The following CGNL1 variants were observed in gnomAD, a reference collection of about 807,000 sequenced individuals.
CGNL1 encodes cingulin-like protein 1.
Under a neutral mutation model 141.2 loss-of-function variants are expected in CGNL1, and 132 were observed. That is an observed-to-expected ratio of 0.93 (90% confidence interval 0.81 to 1.08). The LOEUF (loss-of-function observed/expected upper bound fraction) is 1.08, where lower values mean the gene tolerates loss of function less well. Among genes scored for constraint, CGNL1 ranks in the 50% least tolerant of loss-of-function variants. The pLI, the probability that CGNL1 is intolerant of heterozygous loss-of-function variation, is 0.00. For missense variants in CGNL1, 1,870 were observed against 1,588.6 expected (o/e 1.18, Z -3.01); for synonymous variants, 690 against 622.1 (o/e 1.11, Z -1.63).
intron 4 of CGNL1, among the ~76,000 whole-genome samples, chr15:57,448,523 C>T (rs574939725): frequency 6.6e-6 from 1 of 152,046 alleles, no homozygotes; most frequent in East Asian, 1.9e-4. Context: ...TGGTGCGCAC[C>T]TGTAACCCCA....
rs151302937 is a variant in CGNL1, at chr15:57,543,401, G to A, written c.3292-295G>A. On this transcript the variant is annotated intron_variant, in intron 14 of 18. Coordinates refer to ENST00000281282, the MANE Select transcript of CGNL1 (RefSeq NM_032866.5). ...CATCTCCAAATAAGGTCACGGCAGA[G>A]GTACTGGGGATTAGGGCGTCAACAT... is the stretch of plus-strand genomic sequence containing the variant. 3.1e-3 allele frequency among the ~76,000 whole-genome samples: 470 copies of A among 152,268 alleles called. 2 individuals are homozygous for A. The highest frequency in any genetic ancestry group is 0.011 in the African/African-American group (445 of 41,544).
In CGNL1 at chr15:57,547,472, C is replaced by A. The variant is rs768320922; in HGVS notation, c.3891C>A (p.Thr1297=). The change falls in exon 19 of 19, where the codon ACC becomes ACA. Residue 1297 remains threonine (T), a synonymous_variant. Transcript: ENST00000281282. ...GCTACACATTCTCCAAGGACAGCACCGTCGCCAGCCAGATCTGAGTGCTCT... is the reference window on the plus strand; with the variant it reads ...GCTACACATTCTCCAAGGACAGCACAGTCGCCAGCCAGATCTGAGTGCTCT... ...PVSYTFSKDS[T]VASQI 1 of 1,613,998 alleles carries A rather than the reference C, an allele frequency of 6.2e-7. No individual in the cohort carries two copies. The highest frequency in any genetic ancestry group is 1.1e-5 in the South Asian group (1 of 91,034).
chr15:57,543,610 G>T, intron 14 of CGNL1, 86 bp from the exon 15 acceptor site: 2 of 1,197,106 alleles, frequency 1.7e-6, no homozygotes. Flanking sequence ...AGTGGAGGTT[G>T]ACATTCAGTT....
At chr15:57,415,602 T>G (rs1448008777) in intron 1 of CGNL1, among the ~76,000 whole-genome samples, 7 of 152,242 alleles carry the variant, frequency 4.6e-5, no homozygotes, top group African/African-American at 1.7e-4. Context: ...CTTAAAAGTC[T>G]TCCAGATTCT....
At position 57,492,103 on chromosome 15, in the gene CGNL1, G is replaced by A. The variant is rs561294124; in HGVS notation, c.2404-24677G>A. On this transcript the variant is annotated intron_variant, in intron 8 of 18. Transcript: ENST00000281282. ...TCAGAGACTTTATTACTTCATTTAA[G>A]GCTTTTAGTCTTTGAAATCCTCAGG... is the stretch of plus-strand genomic sequence containing the variant. 3.3e-5 allele frequency among the ~76,000 whole-genome samples: 5 copies of A among 152,260 alleles called. No homozygotes were observed. In the East Asian group the frequency reaches 7.7e-4, roughly 23 times the overall value.
chr15:57,415,083 C>T (rs559744281), intron 1 of CGNL1, among the ~76,000 whole-genome samples: 16 of 152,282 alleles, frequency 1.1e-4, no homozygotes, highest in Admixed American at 3.3e-4. Context: ...AGGTAGAACT[C>T]GGACAACTGA....
intron 1 of CGNL1, among the ~76,000 whole-genome samples, chr15:57,424,149 C>T (rs1439718352): frequency 6.6e-6 from 1 of 152,232 alleles, no homozygotes; most frequent in African/African-American, 2.4e-5. Flanking sequence ...CCACTGGGCT[C>T]TGGCCAAGTC....
intron 8 of CGNL1, among the ~76,000 whole-genome samples, chr15:57,468,314 C>A (rs1481231254): frequency 1.5e-5 from 2 of 137,478 alleles, no homozygotes; most frequent in Admixed American, 1.6e-4. Context: ...GATCTCAGCT[C>A]ACTTCAACCT....
intron 1 of CGNL1, among the ~76,000 whole-genome samples, chr15:57,432,078 A>G (rs1336932935): frequency 6.6e-6 from 1 of 152,222 alleles, no homozygotes; most frequent in African/African-American, 2.4e-5. Flanking sequence ...TTCAAAGCAA[A>G]CATACCTAGA....
At chr15:57,504,746 C>T (rs1215919883) in intron 8 of CGNL1, among the ~76,000 whole-genome samples, 2 of 152,150 alleles carry the variant, frequency 1.3e-5, no homozygotes, top group South Asian at 4.1e-4. Context: ...TGTCACCTGC[C>T]ACTTCTTGCA....
At chr15:57,523,732 C>T in intron 11 of CGNL1, 91 bp downstream of exon 11, 1 of 1,394,818 alleles carries the variant, frequency 7.2e-7, no homozygotes, top group Non-Finnish European at 9.9e-7. Flanking sequence ...CCTGGGAAAC[C>T]TGCAGTAGGT....
At chr15:57,393,572 A>G (rs768302445) in intron 1 of CGNL1, among the ~76,000 whole-genome samples, 13 of 152,200 alleles carry the variant, frequency 8.5e-5, no homozygotes, top group Non-Finnish European at 1.3e-4. Flanking sequence ...GAAAAGTAAT[A>G]TTTAACATCT....
intron 17 of CGNL1, 135 bp from the exon 18 acceptor site, chr15:57,545,941 A>T: frequency 9.8e-7 from 1 of 1,017,308 alleles, no homozygotes; most frequent in Admixed American, 2.6e-5. Context: ...CCTGCTCTCC[A>T]TGTTTCCCAA....
chr15:57,400,235 G>C (rs962266344), intron 1 of CGNL1, among the ~76,000 whole-genome samples: 1 of 152,106 alleles, frequency 6.6e-6, no homozygotes, highest in African/African-American at 2.4e-5. Context: ...CCTGACCTCA[G>C]GCCCGCCTCG....
At chr15:57,466,489 G>C (rs560228481) in intron 8 of CGNL1, among the ~76,000 whole-genome samples, 45 of 152,166 alleles carry the variant, frequency 3.0e-4, no homozygotes, top group Non-Finnish European at 5.6e-4. Flanking sequence ...TCAAATTCCA[G>C]CTCTTCCAGG....
intron 1 of CGNL1, among the ~76,000 whole-genome samples, chr15:57,434,674 T>A (rs1239518501): frequency 6.6e-6 from 1 of 152,200 alleles, no homozygotes; most frequent in Non-Finnish European, 1.5e-5. Context: ...AAGGGTACAA[T>A]GAGCTTCAGA....
chr15:57,410,953 A>G (rs1233794052), intron 1 of CGNL1, among the ~76,000 whole-genome samples: 2 of 152,266 alleles, frequency 1.3e-5, no homozygotes, highest in Non-Finnish European at 2.9e-5. Flanking sequence ...GTGTTTTCAT[A>G]CAAGAATCTA....
At chr15:57,517,944 A>G (rs1396126548) in intron 9 of CGNL1, among the ~76,000 whole-genome samples, 2 of 151,868 alleles carry the variant, frequency 1.3e-5, no homozygotes, top group African/African-American at 4.8e-5. Context: ...GTGGGGGTCC[A>G]TTCAATACCT....
chr15:57,543,388 AGGTCAC>A (rs2032672020), intron 14 of CGNL1, among the ~76,000 whole-genome samples: 1 of 152,162 alleles, frequency 6.6e-6, no homozygotes, highest in African/African-American at 2.4e-5. Context: ...TCTCCAAATA[AGGTCAC>A]GGCAGAGGTA....
Sources: gnomAD v4.1 joint callset for allele counts (sites outside exome capture counted in the v4.1 genomes callset) on GRCh38, gnomAD v4.1.1 for gene constraint, MANE v1.5 for transcripts, NCBI Gene and HGNC (gene_info 2026-07-23, HGNC 2026-07-21) for gene names.